Variants in FCRL5 observed in about 807,000 individuals in gnomAD.
FCRL5 encodes Fc receptor like 5, also known as Fc receptor-like protein 5.
FCRL5 carries 79 observed loss-of-function variants against 92.1 expected under a neutral mutation model. The ratio of observed to expected loss-of-function variants is 0.86; its 90% confidence interval spans 0.72 to 1.03. FCRL5 has a LOEUF of 1.03. FCRL5 is among the 50% of genes least tolerant of loss of function. The probability of loss-of-function intolerance (pLI) is 0.00; values close to 1 mark genes in which losing one functional copy is unlikely to be tolerated. For synonymous variants in FCRL5, 466 were observed against 469.3 expected (o/e 0.99, Z 0.09); for missense variants, 1,160 against 1,181.1 (o/e 0.98, Z 0.26).
Position 157,521,509 on chromosome 1 carries a change from C to T in FCRL5, c.2240-217G>A, listed in dbSNP as rs190064797. The T allele has an allele frequency of 6.6e-4, 325 of 489,564 alleles. 1 individual carries two copies. Among genetic ancestry groups the T allele is most frequent in the African/African-American group, 5.1e-3 (263 of 51,364 alleles). The allele number at this position is 489,564 out of a possible 1,614,324, so 30.3% of individuals were successfully genotyped here. ...AAAGTGTATAAATCACTGAAAACTTCAAATAGACAATAAATATATACAGAG... is the reference window on the plus strand; with the variant it reads ...AAAGTGTATAAATCACTGAAAACTTTAAATAGACAATAAATATATACAGAG... On this transcript the variant is annotated intron_variant, in intron 10 of 16. Transcript: ENST00000361835.
chr1:157,543,222 C>G, intron 5 of FCRL5, 85 bp from the exon 6 acceptor site: 1 of 1,327,352 alleles, frequency 7.5e-7, no homozygotes, highest in Admixed American at 2.1e-5. Flanking sequence ...TGCCCAGTCT[C>G]CAGTCTCCAC....
chr1:157,518,392 G>T (rs1388273135), intron 15 of FCRL5, 37 bp downstream of exon 15: 1 of 1,558,786 alleles, frequency 6.4e-7, no homozygotes, highest in Admixed American at 1.7e-5. Context: ...TGTCTAAGTT[G>T]AGGGTGGGCC....
rs535459767 is a variant in FCRL5 at position 157,534,928 on chromosome 1, T to C, written c.1403-36A>G. 9.9e-6 allele frequency: 15 copies of C among 1,513,160 alleles called. No individual in the cohort carries two copies. In the East Asian group the frequency reaches 2.7e-4, roughly 28 times the overall value. 93.7% of individuals were successfully genotyped at this position (1,513,160 alleles called of 1,614,324 possible). On this transcript the variant is annotated intron_variant, in intron 7 of 16. Transcript: ENST00000361835. ...GAAAGATTGAATCAAGAGTTGCTTT[T>C]GCCTCTTACTGTAGATTTCAACACT...
rs183283638 is a variant in FCRL5 at position 157,527,943 on chromosome 1, A to G, written c.1682-48T>C. 8.9e-5 allele frequency: 133 copies of G among 1,501,438 alleles called. No individual in the cohort carries two copies. The East Asian group carries it at 1.7e-3, about 19-fold the overall frequency. 93.0% of individuals were successfully genotyped at this position (1,501,438 alleles called of 1,614,324 possible). A position where few individuals can be genotyped will look rare whatever the true frequency, so the allele number is the denominator to read the frequency against. On this transcript the variant is annotated intron_variant, in intron 8 of 16. Transcript: ENST00000361835. Reference sequence around the variant, plus strand: ...GACACATGTATTTTTAAAATTAGAAACAGCTCTTTGTCCTAGCCAGAACAA... The same window carrying G: ...GACACATGTATTTTTAAAATTAGAAGCAGCTCTTTGTCCTAGCCAGAACAA...
chr1:157,520,584 G>T, intron 11 of FCRL5, 37 bp from the exon 12 acceptor site: 1 of 1,521,988 alleles, frequency 6.6e-7, no homozygotes, highest in Non-Finnish European at 9.0e-7. Context: ...CAGAGGAGAG[G>T]CTGTGGTCTG....
At chr1:157,540,592 G>A (rs555851582) in intron 6 of FCRL5, among the ~76,000 whole-genome samples, 15 of 150,708 alleles carry the variant, frequency 1.0e-4, no homozygotes, top group Admixed American at 9.2e-4. Flanking sequence ...CCTCACAGTC[G>A]GTTTCTCCGC....
rs139298089 is a variant in FCRL5, at chr1:157,517,483, T to C, written c.2812+946A>G. On this transcript the variant is annotated intron_variant, in intron 15 of 16. Coordinates refer to ENST00000361835, the MANE Select transcript of FCRL5 (RefSeq NM_031281.3). Reference sequence around the variant, plus strand: ...TCCAGATGGGCCCAATATACTCATATGATTCTCTAAAACCCAAGGACTTTT... The same window carrying C: ...TCCAGATGGGCCCAATATACTCATACGATTCTCTAAAACCCAAGGACTTTT... Among the ~76,000 whole-genome samples the C allele has an allele frequency of 3.1e-3, 468 of 152,300 alleles. 3 individuals are homozygous for C. Among genetic ancestry groups the C allele is most frequent in the African/African-American group, 0.011 (447 of 41,574 alleles).
intron 7 of FCRL5, among the ~76,000 whole-genome samples, chr1:157,535,563 A>T (rs1650931162): frequency 6.6e-6 from 1 of 152,158 alleles, no homozygotes; most frequent in African/African-American, 2.4e-5. Context: ...TGTCCATTAC[A>T]ACTCAGTTTT....
At chr1:157,548,386 T>C (rs1424133204) in intron 2 of FCRL5, among the ~76,000 whole-genome samples, 1 of 150,690 alleles carries the variant, frequency 6.6e-6, no homozygotes, top group East Asian at 1.9e-4. Flanking sequence ...AAGGACTTCA[T>C]GTCTAAAACA....
intron 8 of FCRL5, among the ~76,000 whole-genome samples, chr1:157,529,150 T>C (rs1006842414): frequency 6.6e-6 from 1 of 152,182 alleles, no homozygotes; most frequent in East Asian, 1.9e-4. Flanking sequence ...GCAAAGGACA[T>C]GAATAGAATA....
At chr1:157,538,048 T>C (rs555716751) in intron 7 of FCRL5, among the ~76,000 whole-genome samples, 4 of 152,328 alleles carry the variant, frequency 2.6e-5, no homozygotes, top group South Asian at 4.1e-4. Flanking sequence ...GGTGTATATA[T>C]AGAATCAGCA....
chr1:157,539,054 G>A, intron 7 of FCRL5, 32 bp downstream of exon 7: 1 of 1,604,202 alleles, frequency 6.2e-7, no homozygotes, highest in Non-Finnish European at 8.5e-7. Flanking sequence ...TCTTGGCCAG[G>A]GGTGGGTGAT....
intron 3 of FCRL5, among the ~76,000 whole-genome samples, chr1:157,545,836 T>C (rs1651510383): frequency 6.6e-6 from 1 of 152,218 alleles, no homozygotes; most frequent in Non-Finnish European, 1.5e-5. Context: ...CCAGGTATTC[T>C]TTTTCTAAAC....
chr1:157,524,036 T>C, intron 10 of FCRL5: 1 of 495,008 alleles, frequency 2.0e-6, no homozygotes, highest in East Asian at 3.0e-5. Context: ...TAAAAAAGTC[T>C]TATTTGCATT....
Position 157,515,884 on chromosome 1 carries a change from AG to A in FCRL5, c.2813-12del. The A allele has an allele frequency of 6.2e-7, 1 of 1,613,542 alleles. No homozygotes were observed. The highest frequency in any genetic ancestry group is 1.1e-5 in the South Asian group (1 of 91,056). On this transcript the variant is annotated splice_polypyrimidine_tract_variant and intron_variant, in intron 15 of 16. Coordinates refer to ENST00000361835, the MANE Select transcript of FCRL5 (RefSeq NM_031281.3). Reference sequence around the variant, plus strand: ...TGGGGTCAGAGGCCACTGTGGAAAGAGGAAAGTGTTCAGTTGTGGAAGACTG... The same window carrying A: ...TGGGGTCAGAGGCCACTGTGGAAAGAGAAAGTGTTCAGTTGTGGAAGACTG...
At chr1:157,540,115 T>G (rs1651185135) in intron 6 of FCRL5, among the ~76,000 whole-genome samples, 1 of 152,192 alleles carries the variant, frequency 6.6e-6, no homozygotes, top group Non-Finnish European at 1.5e-5. Flanking sequence ...CAGTCTCCAG[T>G]CCACAGGCTC....
At chr1:157,526,017 C>T (rs1449269174) in intron 9 of FCRL5, among the ~76,000 whole-genome samples, 1 of 152,112 alleles carries the variant, frequency 6.6e-6, no homozygotes. Context: ...ACATGACATA[C>T]CCAGGATCAT....
At chr1:157,531,240 T>C (rs1348382252) in intron 8 of FCRL5, among the ~76,000 whole-genome samples, 1 of 152,188 alleles carries the variant, frequency 6.6e-6, no homozygotes, top group Non-Finnish European at 1.5e-5. Context: ...TCACTAATTA[T>C]TGGGGAAATA....
chr1:157,552,306 G>T, intron 1 of FCRL5, 26 bp downstream of exon 1: 1 of 1,613,306 alleles, frequency 6.2e-7, no homozygotes, highest in Non-Finnish European at 8.5e-7. Flanking sequence ...TCCCACCCAG[G>T]GCCCATGGTG....
Sources: allele counts gnomAD v4.1 joint callset (sites outside exome capture counted in the v4.1 genomes callset), GRCh38; gene constraint gnomAD v4.1.1; transcripts MANE v1.5; gene names NCBI Gene and HGNC (gene_info 2026-07-23, HGNC 2026-07-21).